Variants in SNTG1 observed in about 807,000 individuals in gnomAD.
SNTG1 encodes the protein gamma-1-syntrophin.
A neutral mutation model predicts 74.7 loss-of-function variants in SNTG1; 39 were observed. That is an observed-to-expected ratio of 0.52 (90% CI 0.40 to 0.68). The LOEUF is 0.68. Ranked by LOEUF, SNTG1 falls within the 30% of genes least tolerant of loss-of-function variation. SNTG1 has a pLI of 0.00. For synonymous variants in SNTG1, 254 were observed against 217.1 expected, an observed-to-expected ratio of 1.17 and a Z score of -1.49; for missense variants, 685 against 609.5, an observed-to-expected ratio of 1.12 and a Z score of -1.30.
intron 9 of SNTG1, among the ~76,000 whole-genome samples, chr8:50,504,736 G>A (rs2093992090): frequency 6.6e-6 from 1 of 152,086 alleles, no homozygotes; most frequent in African/African-American, 2.4e-5. Flanking sequence ...GGTAGGCTGA[G>A]GATGCAGTGA....
At chr8:50,587,908 G>A (rs895093105) in intron 12 of SNTG1, among the ~76,000 whole-genome samples, 51 of 151,900 alleles carry the variant, frequency 3.4e-4, no homozygotes, top group African/African-American at 1.2e-3. Context: ...TAGGGAGATC[G>A]AGACCATTCT....
chr8:50,276,519 A>G (rs2088123039), intron 2 of SNTG1, among the ~76,000 whole-genome samples: 1 of 151,816 alleles, frequency 6.6e-6, no homozygotes, highest in African/African-American at 2.4e-5. Context: ...GGAAACTGTC[A>G]TTGCTTTTTT....
intron 2 of SNTG1, among the ~76,000 whole-genome samples, chr8:50,367,218 C>A (rs998341116): frequency 2.6e-5 from 4 of 151,658 alleles, no homozygotes; most frequent in Non-Finnish European, 5.9e-5. Flanking sequence ...TAGTTCATTT[C>A]TTACATGTAT....
chr8:50,082,462 T>G (rs1822498543), intron 1 of SNTG1, among the ~76,000 whole-genome samples: 2 of 152,206 alleles, frequency 1.3e-5, no homozygotes, highest in South Asian at 4.1e-4. Context: ...GAAGTCTTTC[T>G]TCCTGAAATA....
At chr8:50,564,723 A>G (rs1386670472) in intron 12 of SNTG1, among the ~76,000 whole-genome samples, 1 of 152,116 alleles carries the variant, frequency 6.6e-6, no homozygotes, top group Non-Finnish European at 1.5e-5. Context: ...TTTTTTAAAG[A>G]TTAATAATTC....
rs1416626682 is a variant in SNTG1, at chr8:50,536,780, C to A, written c.652C>A (p.Gln218Lys). 6.2e-7 allele frequency: 1 copy of A among 1,613,860 alleles called. No homozygotes were observed. The highest frequency in any genetic ancestry group is 8.5e-7 in the Non-Finnish European group (1 of 1,179,874). The part of the protein sequence containing the change: ...LIPLLHSRFS[Q>K]YVPGTDLSRQ... ...CCCTCTACTTCATTCGCGCTTCTCT[C>A]AGTATGTGCCCGGCACAGATTTGAG... The change falls in exon 11 of 19, where the codon CAG becomes AAG. Residue 218 changes from glutamine (Q) to lysine (K), a missense_variant. By Grantham distance (53) the Gln-to-Lys change is moderately conservative (BLOSUM62 1). Coordinates refer to ENST00000642720, the MANE Select transcript of SNTG1 (RefSeq NM_018967.5).
intron 12 of SNTG1, among the ~76,000 whole-genome samples, chr8:50,584,926 C>A (rs1175153624): frequency 6.6e-6 from 1 of 152,084 alleles, no homozygotes; most frequent in African/African-American, 2.4e-5. Flanking sequence ...GTTTGTTTCT[C>A]TCTGCCTGGA....
chr8:50,035,882 A>G (rs961616792), intron 1 of SNTG1, among the ~76,000 whole-genome samples: 3 of 152,154 alleles, frequency 2.0e-5, no homozygotes, highest in Non-Finnish European at 4.4e-5. Flanking sequence ...ACAGATGTCC[A>G]AGCACAGACT....
At chr8:50,032,429 C>T (rs1007579690) in intron 1 of SNTG1, among the ~76,000 whole-genome samples, 1 of 151,888 alleles carries the variant, frequency 6.6e-6, no homozygotes, top group African/African-American at 2.4e-5. Flanking sequence ...ATTTAGAGTG[C>T]TATAGTTTAG....
chr8:50,586,780 G>A (rs1353791523), intron 12 of SNTG1, among the ~76,000 whole-genome samples: 1 of 151,914 alleles, frequency 6.6e-6, no homozygotes, highest in African/African-American at 2.4e-5. Flanking sequence ...TTTGAAAAAT[G>A]TGTATTCTGG....
intron 2 of SNTG1, among the ~76,000 whole-genome samples, chr8:50,245,632 G>A (rs1236318296): frequency 2.6e-5 from 4 of 152,094 alleles, no homozygotes; most frequent in Admixed American, 6.6e-5. Context: ...GCCATGAGCC[G>A]AGATTGCACC....
At chr8:50,029,839 A>AT (rs1396676248) in intron 1 of SNTG1, among the ~76,000 whole-genome samples, 1 of 151,966 alleles carries the variant, frequency 6.6e-6, no homozygotes, top group East Asian at 1.9e-4. Context: ...TGATATGCTG[A>AT]TTTTTTTCTT....
At chr8:50,286,057 C>T (rs751160593) in intron 2 of SNTG1, among the ~76,000 whole-genome samples, 5 of 152,078 alleles carry the variant, frequency 3.3e-5, no homozygotes, top group African/African-American at 9.7e-5. Context: ...ATTATATACA[C>T]ATGTTTTGGC....
intron 1 of SNTG1, among the ~76,000 whole-genome samples, chr8:49,915,174 T>C (rs1805915385): frequency 1.3e-5 from 2 of 152,216 alleles, no homozygotes; most frequent in South Asian, 2.1e-4. Context: ...GGGGATTCTT[T>C]ACTTTTCAAT....
rs559056388 is a variant in SNTG1 at position 50,452,529 on chromosome 8, G to A, written c.363+1800G>A. Among the ~76,000 whole-genome samples the A allele has an allele frequency of 5.2e-4, 79 of 152,284 alleles. 1 individual carries two copies. Among genetic ancestry groups the A allele is most frequent in the African/African-American group, 1.9e-3 (79 of 41,566 alleles). ...GACGGAATGCAATTTGCCCTTCAGA[G>A]GCAGGCAGCATGCTTAGACAAACTG... On this transcript the variant is annotated intron_variant, in intron 8 of 18. Coordinates refer to ENST00000642720, the MANE Select transcript of SNTG1 (RefSeq NM_018967.5).
chr8:50,642,632 G>C (rs1177333550), intron 13 of SNTG1, among the ~76,000 whole-genome samples: 1 of 152,046 alleles, frequency 6.6e-6, no homozygotes, highest in African/African-American at 2.4e-5. Flanking sequence ...TTTTCCTTCA[G>C]ATATCCATAC....
chr8:50,123,249 T>A (rs1229703537), intron 1 of SNTG1, among the ~76,000 whole-genome samples: 1 of 143,090 alleles, frequency 7.0e-6, no homozygotes, highest in Non-Finnish European at 1.6e-5. Context: ...CGCTCAGTGC[T>A]CCAACACACA....
rs969418797 is a variant in SNTG1, at chr8:50,704,837, T to C, written c.1191+85T>C. 10 of 1,467,344 alleles carry C rather than the reference T, an allele frequency of 6.8e-6. No homozygotes were observed. In the South Asian group the frequency reaches 1.3e-4, roughly 19 times the overall value. The allele number at this position is 1,467,344 out of a possible 1,614,324, so 90.9% of individuals were successfully genotyped here. On this transcript the variant is annotated intron_variant, in intron 16 of 18. Transcript: ENST00000642720. ...GAGTTCTAATATCATTCCAAAGTAG[T>C]GTAAAAATACAGTTCTGGGAATCTT...
At chr8:49,961,634 C>A (rs1212741115) in intron 1 of SNTG1, among the ~76,000 whole-genome samples, 2 of 152,180 alleles carry the variant, frequency 1.3e-5, no homozygotes, top group Non-Finnish European at 2.9e-5. Context: ...TAGAATAAGA[C>A]TTTCTACTAT....
Sources: allele counts gnomAD v4.1 joint callset (sites outside exome capture counted in the v4.1 genomes callset), GRCh38; gene constraint gnomAD v4.1.1; transcripts MANE v1.5; gene names NCBI Gene and HGNC (gene_info 2026-07-23, HGNC 2026-07-21).